The following PCDHA6 variants were observed in gnomAD, a reference collection of about 807,000 sequenced individuals.
PCDHA6 encodes protocadherin alpha 6, also known as protocadherin alpha-6.
A neutral mutation model predicts 60.3 loss-of-function variants in PCDHA6; 55 were observed. The ratio of observed to expected loss-of-function variants is 0.91; its 90% confidence interval spans 0.73 to 1.14. The LOEUF (loss-of-function observed/expected upper bound fraction) is 1.14. Ranked by LOEUF, PCDHA6 falls within the 50% of genes most tolerant of loss-of-function variation. The pLI is 0.00. For synonymous variants in PCDHA6, 652 were observed against 557.9 expected, an observed-to-expected ratio of 1.17 and a Z score of -2.38; for missense variants, 1,327 against 1,256.5, an observed-to-expected ratio of 1.06 and a Z score of -0.85.
rs1554151138 is a variant in PCDHA6, at chr5:140,858,086, C to A, written c.2394+27601C>A. The A allele has an allele frequency of 2.5e-6, 4 of 1,597,802 alleles. 1 individual carries two copies. Among genetic ancestry groups the A allele is most frequent in the Non-Finnish European group, 2.6e-6 (3 of 1,167,670 alleles). On this transcript the variant is annotated intron_variant, in intron 1 of 3. Transcript: ENST00000529310. The stretch of plus-strand genomic sequence containing the variant: ...CAGCCAGGCACCCAAGGCCTCGTCG[C>A]GGGCTTCAGTGGGCGTGGCGCCCGA...
intron 1 of PCDHA6, among the ~76,000 whole-genome samples, chr5:140,904,934 G>A (rs1181903303): frequency 6.6e-6 from 1 of 152,110 alleles, no homozygotes; most frequent in Non-Finnish European, 1.5e-5. Context: ...GTAGGTTCTG[G>A]ATATTAGTCC....
At chr5:140,881,953 T>G in intron 1 of PCDHA6, 1 of 335,146 alleles carries the variant, frequency 3.0e-6, no homozygotes, top group Non-Finnish European at 5.4e-6. Context: ...AAGGTAAACA[T>G]TTAATCTTCA....
At chr5:140,871,140 C>T (rs939950931) in intron 1 of PCDHA6, 2 of 1,613,336 alleles carry the variant, frequency 1.2e-6, no homozygotes, top group Non-Finnish European at 8.5e-7. Context: ...AGGCCTCTTC[C>T]CGGACTTTGG....
intron 1 of PCDHA6, among the ~76,000 whole-genome samples, chr5:140,837,376 A>G (rs1191040233): frequency 6.6e-6 from 1 of 151,912 alleles, no homozygotes; most frequent in Non-Finnish European, 1.5e-5. Context: ...AGTATTTTTT[A>G]TTTTGTTCCT....
At chr5:140,969,593 T>C (rs2153780223) in intron 1 of PCDHA6, 1 of 829,524 alleles carries the variant, frequency 1.2e-6, no homozygotes, top group Non-Finnish European at 1.8e-6. Context: ...AGTCTTAATA[T>C]TTAATGCTAA....
chr5:140,867,407 T>C (rs1376336154), intron 1 of PCDHA6: 1 of 152,154 alleles, frequency 6.6e-6, no homozygotes, highest in African/African-American at 2.4e-5. Flanking sequence ...ATATGTCTCC[T>C]TTAATTTTTT....
intron 1 of PCDHA6, among the ~76,000 whole-genome samples, chr5:140,945,791 G>T (rs782283550): frequency 1.3e-5 from 2 of 152,064 alleles, no homozygotes; most frequent in Non-Finnish European, 2.9e-5. Flanking sequence ...GCAGAAAAAT[G>T]AAACTAGACC....
chr5:140,923,468 G>A (rs2081380588), intron 1 of PCDHA6, among the ~76,000 whole-genome samples: 1 of 152,098 alleles, frequency 6.6e-6, no homozygotes, highest in Admixed American at 6.5e-5. Context: ...GGTAGGGGCT[G>A]CAGTGAGCCA....
chr5:140,888,271 T>A (rs1466153758), intron 1 of PCDHA6, among the ~76,000 whole-genome samples: 2 of 152,068 alleles, frequency 1.3e-5, no homozygotes, highest in African/African-American at 4.8e-5. Context: ...TAAGAAACAG[T>A]TTTGTCCCCT....
chr5:140,873,776 T>C (rs1001856431), intron 1 of PCDHA6, among the ~76,000 whole-genome samples: 13 of 152,208 alleles, frequency 8.5e-5, no homozygotes, highest in Non-Finnish European at 1.9e-4. Context: ...TTCTCCTGCC[T>C]CAGCTTTCCG....
intron 1 of PCDHA6, among the ~76,000 whole-genome samples, chr5:140,920,056 C>T (rs2079426580): frequency 6.6e-6 from 1 of 152,144 alleles, no homozygotes; most frequent in African/African-American, 2.4e-5. Flanking sequence ...GCCACCAACA[C>T]CTGGAAAAGG....
intron 1 of PCDHA6, chr5:140,835,504 T>C: frequency 1.2e-6 from 2 of 1,613,936 alleles, no homozygotes; most frequent in Non-Finnish European, 1.7e-6. Flanking sequence ...TTGATTAGCG[T>C]GTTTGACCGA....
chr5:140,988,512 T>TCC (rs2097301181), intron 3 of PCDHA6, among the ~76,000 whole-genome samples: 1 of 152,218 alleles, frequency 6.6e-6, no homozygotes, highest in Non-Finnish European at 1.5e-5. Flanking sequence ...TGAAGCTTAC[T>TCC]TAAGTCTCTG....
intron 1 of PCDHA6, among the ~76,000 whole-genome samples, chr5:140,944,948 A>T (rs1425847139): frequency 6.6e-6 from 1 of 152,200 alleles, no homozygotes; most frequent in African/African-American, 2.4e-5. Context: ...ATGATTGTGA[A>T]TAAGAGTATT....
rs1261636098 is a variant in PCDHA6, at chr5:140,968,913, C to G, written c.2395-10036C>G. 6.8e-6 allele frequency: 11 copies of G among 1,614,036 alleles called. No homozygotes were observed. Among genetic ancestry groups the G allele is most frequent in the Non-Finnish European group, 8.5e-6 (10 of 1,180,044 alleles). On this transcript the variant is annotated intron_variant, in intron 1 of 3. Transcript: ENST00000529310. ...CTAATAATAGCATTAAGCACAGTGT[C>G]TTTTATATTTCTTTTGACAATCATC...
At position 141,010,838 on chromosome 5, in the gene PCDHA6, T is replaced by G. The variant is rs2154002200; in HGVS notation, c.*901T>G. 1.3e-5 allele frequency: 2 copies of G among 153,860 alleles called. No homozygotes were observed. The highest frequency in any genetic ancestry group is 2.9e-5 in the Non-Finnish European group (2 of 68,042). The allele number at this position is 153,860 out of a possible 1,614,324, so 9.5% of individuals were successfully genotyped here. On this transcript the variant is annotated 3_prime_UTR_variant, in exon 4 of 4. Coordinates refer to ENST00000529310, the MANE Select transcript of PCDHA6 (RefSeq NM_018909.4). ...TTTCGCTGTTTGTTGTTTCATAGAT[T>G]TATTTAAAAAAAGAGAAAGTCTATA...
chr5:140,876,514 C>A, intron 1 of PCDHA6: 1 of 1,614,026 alleles, frequency 6.2e-7, no homozygotes, highest in East Asian at 2.2e-5. Flanking sequence ...TGACAATGTC[C>A]CTGAAGTAAT....
At chr5:140,899,400 AG>A (rs1331352997) in intron 1 of PCDHA6, among the ~76,000 whole-genome samples, 2 of 152,132 alleles carry the variant, frequency 1.3e-5, no homozygotes, top group Non-Finnish European at 2.9e-5. Context: ...TTTAGCATGA[AG>A]GGTTGTTGAA....
chr5:140,884,449 C>T, intron 1 of PCDHA6: 1 of 1,613,826 alleles, frequency 6.2e-7, no homozygotes, highest in Non-Finnish European at 8.5e-7. Context: ...CGGCACCGCC[C>T]ACCGAGGGCG....
Sources: allele counts gnomAD v4.1 joint callset (sites outside exome capture counted in the v4.1 genomes callset), GRCh38; gene constraint gnomAD v4.1.1; transcripts MANE v1.5; gene names NCBI Gene and HGNC (gene_info 2026-07-23, HGNC 2026-07-21).